TPTE: variants seen among roughly 807,000 people sequenced by gnomAD.
The protein encoded by TPTE is transmembrane phosphatase with tensin homology, also known as putative tyrosine-protein phosphatase TPTE.
In TPTE, 59 loss-of-function variants were observed where a neutral mutation model predicts 84.1. The observed-to-expected ratio is 0.70, with a 90% CI of 0.57 to 0.87. TPTE has a LOEUF of 0.87. Ranked by LOEUF, TPTE falls within the 40% of genes least tolerant of loss-of-function variation. The pLI, the probability that TPTE is intolerant of heterozygous loss-of-function variation, is 0.00. For synonymous variants in TPTE, 130 were observed against 223.5 expected, an observed-to-expected ratio of 0.58 and a Z score of 3.73; for missense variants, 382 against 659.6, an observed-to-expected ratio of 0.58 and a Z score of 4.61.
intron 3 of TPTE, among the ~76,000 whole-genome samples, chr21:10,536,564 A>G (rs1252274067): frequency 1.3e-5 from 2 of 152,298 alleles, no homozygotes; most frequent in African/African-American, 4.8e-5. Context: ...AGACACACAA[A>G]CACAGGGAGA....
intron 4 of TPTE, among the ~76,000 whole-genome samples, chr21:10,540,289 A>G (rs1369455578): frequency 6.6e-6 from 1 of 152,310 alleles, no homozygotes; most frequent in Non-Finnish European, 1.5e-5. Flanking sequence ...GAGTAGGGCT[A>G]TTGAGTGTGA....
At chr21:10,583,833 T>C (rs9983819) in intron 17 of TPTE, among the ~76,000 whole-genome samples, 4 of 152,306 alleles carry the variant, frequency 2.6e-5, no homozygotes, top group African/African-American at 9.6e-5. Context: ...CTGAGGAACA[T>C]GAATCTGTTT....
At chr21:10,604,142 CTATT>C (rs1978973019) in intron 23 of TPTE, among the ~76,000 whole-genome samples, 1 of 152,300 alleles carries the variant, frequency 6.6e-6, no homozygotes, top group Non-Finnish European at 1.5e-5. Context: ...AAGTAATAGT[CTATT>C]TAAATAGCCA....
At chr21:10,565,812 G>T (rs1329139068) in intron 10 of TPTE, among the ~76,000 whole-genome samples, 1 of 152,306 alleles carries the variant, frequency 6.6e-6, no homozygotes, top group African/African-American at 2.4e-5. Context: ...ACATACAGAA[G>T]AATGCACCTA....
At chr21:10,548,919 C>CAT (rs2074521860) in intron 7 of TPTE, among the ~76,000 whole-genome samples, 1 of 152,308 alleles carries the variant, frequency 6.6e-6, no homozygotes, top group African/African-American at 2.4e-5. Context: ...CAACTGCATC[C>CAT]CCATGCTTCT....
chr21:10,537,279 A>G lies in TPTE; in HGVS notation c.-43-1402A>G, dbSNP rs1444829554. On this transcript the variant is annotated intron_variant, in intron 3 of 23. Transcript: ENST00000618007. ...ACCAGAAAGTGAAGTCCAGAATGTC[A>G]TATTGGTGTTGGACGATACATATAT... 2.0e-5 allele frequency among the ~76,000 whole-genome samples: 3 copies of G among 152,428 alleles called. No homozygotes were observed. The East Asian group carries it at 5.8e-4, about 29-fold the overall frequency.
intron 13 of TPTE, 62 bp from the exon 14 acceptor site, chr21:10,570,423 T>G: frequency 5.0e-6 from 8 of 1,611,246 alleles, no homozygotes; most frequent in Non-Finnish European, 6.8e-6. Context: ...ATAAATTAAT[T>G]TTTTTGTATG....
intron 3 of TPTE, among the ~76,000 whole-genome samples, chr21:10,536,411 C>T (rs1269547294): frequency 6.6e-6 from 1 of 152,308 alleles, no homozygotes; most frequent in Non-Finnish European, 1.5e-5. Context: ...GTCCAACTAT[C>T]TACTTTTATA....
intron 17 of TPTE, among the ~76,000 whole-genome samples, chr21:10,581,948 T>A (rs1407089679): frequency 6.6e-6 from 1 of 152,420 alleles, no homozygotes; most frequent in East Asian, 1.9e-4. Flanking sequence ...TTGTCCAAAC[T>A]GGTCTCGAAC....
intron 8 of TPTE, among the ~76,000 whole-genome samples, chr21:10,557,518 G>A (rs1220406706): frequency 6.6e-6 from 1 of 152,312 alleles, no homozygotes; most frequent in Non-Finnish European, 1.5e-5. Context: ...GATACCCAGA[G>A]ATCTAGTAGA....
In TPTE at chr21:10,549,815, G is replaced by A. The variant is rs552462608; in HGVS notation, c.174-2842G>A. On this transcript the variant is annotated intron_variant, in intron 7 of 23. Coordinates refer to ENST00000618007, the MANE Select transcript of TPTE (RefSeq NM_199261.4). ...CTTCCTAACTCTTGAGGGAGAGCTA[G>A]ACATCTAGTTCCAGGAAGATCAAAG... Among the ~76,000 whole-genome samples the A allele has an allele frequency of 4.6e-5, 7 of 152,426 alleles. No individual in the cohort carries two copies. In the South Asian group the frequency reaches 1.4e-3, roughly 32 times the overall value.
At chr21:10,557,331 TC>T (rs1229181656) in intron 8 of TPTE, among the ~76,000 whole-genome samples, 1 of 152,300 alleles carries the variant, frequency 6.6e-6, no homozygotes, top group Non-Finnish European at 1.5e-5. Flanking sequence ...TACATAGTAC[TC>T]TTTTTTTAAG....
intron 14 of TPTE, among the ~76,000 whole-genome samples, chr21:10,571,824 C>T (rs576523225): frequency 1.4e-4 from 22 of 152,330 alleles, no homozygotes; most frequent in Admixed American, 3.9e-4. Flanking sequence ...CTGATTAACA[C>T]GGCGAAATCC....
intron 17 of TPTE, among the ~76,000 whole-genome samples, chr21:10,580,173 C>T (rs2075245853): frequency 6.6e-6 from 1 of 152,308 alleles, no homozygotes; most frequent in Non-Finnish European, 1.5e-5. Flanking sequence ...AATATCTTTT[C>T]AGGTTCTTTG....
At chr21:10,536,431 C>T (rs1386778070) in intron 3 of TPTE, among the ~76,000 whole-genome samples, 1 of 152,306 alleles carries the variant, frequency 6.6e-6, no homozygotes, top group Non-Finnish European at 1.5e-5. Context: ...ATTCCTTTAG[C>T]CTGCATACAG....
intron 21 of TPTE, among the ~76,000 whole-genome samples, chr21:10,599,909 G>A (rs1200403987): frequency 1.3e-5 from 2 of 152,078 alleles, no homozygotes; most frequent in Non-Finnish European, 2.9e-5. Flanking sequence ...CCAGGCTGTA[G>A]CACAGTGGCA....
chr21:10,588,902 C>T lies in TPTE; in HGVS notation c.1028-1560C>T, dbSNP rs540313358. On this transcript the variant is annotated intron_variant, in intron 17 of 23. Transcript: ENST00000618007. ...AGATGTTTATCTCTTCCTTCATTTC[C>T]CGGATTGATGTAGAAGTTTCTTTTT... is the stretch of plus-strand genomic sequence containing the variant. Among the ~76,000 whole-genome samples the T allele has an allele frequency of 3.9e-5, 6 of 152,414 alleles. No homozygotes were observed. In the East Asian group the frequency reaches 1.2e-3, roughly 29 times the overall value.
Position 10,561,178 on chromosome 21 carries a change from G to C in TPTE, c.433G>C (p.Val145Leu), listed in dbSNP as rs1227662906. 6.2e-7 allele frequency: 1 copy of C among 1,611,714 alleles called. No individual in the cohort carries two copies. ...LFFLMDVLLR[V>L]FVERRQQYFS... ...TTTTCTCATGGATGTTCTTCTTCGA[G>C]TATTTGTAGAAAGGTAAGTTTGATT... The change falls in exon 10 of 24, where the codon GTA becomes CTA. Residue 145 changes from valine to leucine, a missense_variant. Transcript: ENST00000618007.
At chr21:10,545,352 A>G (rs572206619) in intron 7 of TPTE, among the ~76,000 whole-genome samples, 1 of 152,426 alleles carries the variant, frequency 6.6e-6, no homozygotes, top group South Asian at 2.1e-4. Context: ...CTAGGAAAAA[A>G]TGATATATTA....
Sources: allele counts gnomAD v4.1 joint callset (sites outside exome capture counted in the v4.1 genomes callset), GRCh38; gene constraint gnomAD v4.1.1; transcripts MANE v1.5; gene names NCBI Gene and HGNC (gene_info 2026-07-23, HGNC 2026-07-21).